Variants in PRDM16 observed in about 807,000 individuals in gnomAD.
The protein encoded by PRDM16 is histone-lysine N-methyltransferase PRDM16.
PRDM16 carries 23 observed loss-of-function variants against 110.6 expected under a neutral mutation model. The ratio of observed to expected loss-of-function variants is 0.21; its 90% CI spans 0.15 to 0.29. The LOEUF (loss-of-function observed/expected upper bound fraction) is 0.29. PRDM16 is among the 10% of genes least tolerant of loss of function. PRDM16 has a pLI of 1.00. For missense variants in PRDM16, 1,615 were observed against 1,794.3 expected (o/e 0.90, Z 1.81); for synonymous variants, 799 against 781.8 (o/e 1.02, Z -0.37).
intron 1 of PRDM16, among the ~76,000 whole-genome samples, chr1:3,072,737 C>A (rs1641796644): frequency 1.3e-5 from 2 of 152,242 alleles, no homozygotes; most frequent in South Asian, 4.1e-4. Context: ...CCGGTTAGGG[C>A]AGCAGCGCCA....
At position 3,143,685 on chromosome 1, in the gene PRDM16, C is replaced by G. The variant is rs190331850; in HGVS notation, c.38-42440C>G. Among the ~76,000 whole-genome samples the G allele has an allele frequency of 3.5e-3, 529 of 152,264 alleles. 7 individuals carry two copies. The highest frequency in any genetic ancestry group is 9.4e-4 in the Non-Finnish European group (64 of 68,022). On this transcript the variant is annotated intron_variant, in intron 1 of 16. Coordinates refer to ENST00000270722, the MANE Select transcript of PRDM16 (RefSeq NM_022114.4). This position sits in a 1 kb window ranked among gnomAD's most constrained non-coding sequence, Gnocchi z 4.5. ...AGAGATGGGGTTTCATCATTGTGGT[C>G]AGGCCAGTCTTGAACTCCTGACCTC...
At chr1:3,104,425 C>T (rs370299074) in intron 1 of PRDM16, among the ~76,000 whole-genome samples, 106 of 152,336 alleles carry the variant, frequency 7.0e-4, no homozygotes, top group African/African-American at 2.5e-3. Context: ...CTCCAGTGAA[C>T]AGGCAGAGGC....
rs1358063826 is a variant in PRDM16, at chr1:3,243,075, A to G, written c.388-1012A>G. On this transcript the variant is annotated intron_variant, in intron 2 of 16. Transcript: ENST00000270722. This position sits in a 1 kb window ranked among gnomAD's most constrained non-coding sequence, Gnocchi z 5.5. ...GCGAAATGCTCTCCAGAGCCAAAGA[A>G]CGTTCCGGCTGGAGCGACCTGGGAG... 1.3e-5 allele frequency among the ~76,000 whole-genome samples: 2 copies of G among 152,114 alleles called. No individual in the cohort carries two copies. Among genetic ancestry groups the G allele is most frequent in the African/African-American group, 4.8e-5 (2 of 41,430 alleles).
chr1:3,140,802 C>T (rs545071758), intron 1 of PRDM16, among the ~76,000 whole-genome samples: 10 of 152,364 alleles, frequency 6.6e-5, no homozygotes, highest in East Asian at 3.9e-4. Flanking sequence ...CCTCCGTTTC[C>T]GCATCCTGCG....
At chr1:3,193,488 T>C (rs1638372253) in intron 2 of PRDM16, among the ~76,000 whole-genome samples, 2 of 152,218 alleles carry the variant, frequency 1.3e-5, no homozygotes, top group South Asian at 4.1e-4. Context: ...CAGCGCCCAC[T>C]GCTCAGTGGG....
intron 3 of PRDM16, among the ~76,000 whole-genome samples, chr1:3,296,422 G>T (rs1641090731): frequency 6.6e-6 from 1 of 152,248 alleles, no homozygotes; most frequent in Non-Finnish European, 1.5e-5. Context: ...ACTGGGGCCG[G>T]GGGCAGAGGT....
intron 5 of PRDM16, among the ~76,000 whole-genome samples, chr1:3,402,205 C>G (rs10909942): frequency 0.57 from 87,300 of 151,894 alleles, 26,070 homozygotes; most frequent in South Asian, 0.7. Context: ...GGGGGGTCTC[C>G]CGTCTTAGGT....
chr1:3,355,927 G>A (rs1052625069), intron 3 of PRDM16, among the ~76,000 whole-genome samples: 4 of 151,804 alleles, frequency 2.6e-5, no homozygotes, highest in South Asian at 2.1e-4. Flanking sequence ...CACCCTGGCC[G>A]TAAGATCTGA....
Position 3,339,900 on chromosome 1 carries a change from C to T in PRDM16, c.439-45252C>T, listed in dbSNP as rs1351643221. ...TCCCATAGGAAGATGCGGTTCTGTG[C>T]AGCAGCTGAGGTTGGAAGGGCCACC... On this transcript the variant is annotated intron_variant, in intron 3 of 16. Transcript: ENST00000270722. The surrounding 1 kb of genome is among the most constrained non-coding windows in gnomAD (Gnocchi z 5.0). 1.3e-5 allele frequency among the ~76,000 whole-genome samples: 2 copies of T among 152,208 alleles called. No homozygotes were observed. The highest frequency in any genetic ancestry group is 2.9e-5 in the Non-Finnish European group (2 of 68,040).
intron 1 of PRDM16, among the ~76,000 whole-genome samples, chr1:3,079,621 T>C (rs1199433288): frequency 6.6e-6 from 1 of 152,194 alleles, no homozygotes; most frequent in Non-Finnish European, 1.5e-5. Flanking sequence ...CAGGCTCTTA[T>C]TCCTGGAAAA....
intron 3 of PRDM16, among the ~76,000 whole-genome samples, chr1:3,279,359 G>T (rs947237150): frequency 6.6e-6 from 1 of 152,212 alleles, no homozygotes; most frequent in Non-Finnish European, 1.5e-5. Context: ...CAGAGAGGAA[G>T]GGCGGGCCCT....
rs10909893 is a variant in PRDM16 at position 3,195,851 on chromosome 1, G to A, written c.387+9377G>A. The stretch of plus-strand genomic sequence containing the variant: ...TTCTTTCTTCCTTAGGGAAAATAAG[G>A]ATTGGATGTGAAGGGAGTATGACAG... On this transcript the variant is annotated intron_variant, in intron 2 of 16. Transcript: ENST00000270722. Among the ~76,000 whole-genome samples, 432 of 152,266 alleles carry A rather than the reference G, an allele frequency of 2.8e-3. 3 individuals are homozygous for A. Among genetic ancestry groups the A allele is most frequent in the African/African-American group, 9.8e-3 (409 of 41,554 alleles).
chr1:3,258,413 C>G (rs1188066032), intron 3 of PRDM16, among the ~76,000 whole-genome samples: 1 of 152,200 alleles, frequency 6.6e-6, no homozygotes, highest in African/African-American at 2.4e-5. Flanking sequence ...TACTCTCTTT[C>G]AGCGTTGGCC....
At position 3,157,422 on chromosome 1, in the gene PRDM16, TAAA is replaced by T. The variant is rs34858929; in HGVS notation, c.38-28685_38-28683del. The stretch of plus-strand genomic sequence containing the variant: ...GCTCCCAGGCCTTTTGCGATCCCAT[TAAA>T]AAAAAAAAAAAAAAAAACACCTTTG... On this transcript the variant is annotated intron_variant, in intron 1 of 16. Coordinates refer to ENST00000270722, the MANE Select transcript of PRDM16 (RefSeq NM_022114.4). The surrounding 1 kb of genome is among the most constrained non-coding windows in gnomAD (Gnocchi z 4.8). Among the ~76,000 whole-genome samples the T allele has an allele frequency of 0.12, 15,141 of 122,084 alleles. 1,028 individuals carry two copies. Among genetic ancestry groups the T allele is most frequent in the South Asian group, 0.25 (934 of 3,810 alleles). The allele number at this position is 122,084 out of a possible 152,430, so 80.1% of individuals were successfully genotyped here. A position where few individuals can be genotyped will look rare whatever the true frequency, so the allele number is the denominator to read the frequency against.
chr1:3,352,377 C>T (rs978895533), intron 3 of PRDM16, among the ~76,000 whole-genome samples: 1 of 152,198 alleles, frequency 6.6e-6, no homozygotes, highest in Non-Finnish European at 1.5e-5. Flanking sequence ...TTTCTCCCCC[C>T]AGATGCTCTC....
At chr1:3,076,551 C>T (rs1393837625) in intron 1 of PRDM16, among the ~76,000 whole-genome samples, 1 of 152,168 alleles carries the variant, frequency 6.6e-6, no homozygotes, top group African/African-American at 2.4e-5. Context: ...TCTCAGCGTC[C>T]CCGGGCAGAA....
chr1:3,079,237 G>C (rs1439574838), intron 1 of PRDM16, among the ~76,000 whole-genome samples: 1 of 152,266 alleles, frequency 6.6e-6, no homozygotes, highest in Non-Finnish European at 1.5e-5. Context: ...TCTCGGCTAT[G>C]TCAGCATCTC....
intron 2 of PRDM16, among the ~76,000 whole-genome samples, chr1:3,232,093 C>G (rs1639431018): frequency 6.6e-6 from 1 of 152,222 alleles, no homozygotes. Context: ...CGACCGACAC[C>G]CAGGAGCTCG....
rs114739825 is a variant in PRDM16 at position 3,199,249 on chromosome 1, G to A, written c.387+12775G>A. Among the ~76,000 whole-genome samples the A allele has an allele frequency of 6.0e-3, 899 of 150,864 alleles. 5 individuals are homozygous for A. The highest frequency in any genetic ancestry group is 9.9e-3 in the Non-Finnish European group (676 of 68,008). ...GCCGCCGAGGAGCTTGCCTGTGGGCGGAGAGCCATAGCCAGGTGTCCCCCA... is the reference window on the plus strand; with the variant it reads ...GCCGCCGAGGAGCTTGCCTGTGGGCAGAGAGCCATAGCCAGGTGTCCCCCA... On this transcript the variant is annotated intron_variant, in intron 2 of 16. Coordinates refer to ENST00000270722, the MANE Select transcript of PRDM16 (RefSeq NM_022114.4).
Sources: allele counts gnomAD v4.1 joint callset (sites outside exome capture counted in the v4.1 genomes callset), GRCh38; gene constraint gnomAD v4.1.1; non-coding constraint Gnocchi (gnomAD v3.1); transcripts MANE v1.5; gene names NCBI Gene and HGNC (gene_info 2026-07-23, HGNC 2026-07-21).